Variants in HACD3 observed in about 807,000 individuals in gnomAD.
HACD3 encodes the protein 3-hydroxyacyl-CoA dehydratase 3, also known as very-long-chain (3R)-3-hydroxyacyl-CoA dehydratase 3.
A neutral mutation model predicts 55.2 loss-of-function variants in HACD3; 30 were observed. The observed-to-expected ratio is 0.54, with a 90% CI of 0.41 to 0.74. The LOEUF (loss-of-function observed/expected upper bound fraction) is 0.74. HACD3 is among the 30% of genes least tolerant of loss of function. The pLI is 0.00. For synonymous variants in HACD3, 141 were observed against 151.7 expected, an observed-to-expected ratio of 0.93 and a Z score of 0.52; for missense variants, 363 against 440.1, an observed-to-expected ratio of 0.82 and a Z score of 1.57.
chr15:65,552,849 C>G (rs1026343553), intron 2 of HACD3, among the ~76,000 whole-genome samples: 6 of 151,692 alleles, frequency 4.0e-5, no homozygotes, highest in African/African-American at 9.7e-5. Context: ...CCACTCCCCC[C>G]ACCCCACAAC....
intron 1 of HACD3, among the ~76,000 whole-genome samples, chr15:65,541,470 G>A (rs117938654): frequency 1.0e-3 from 156 of 152,272 alleles, no homozygotes; most frequent in Non-Finnish European, 1.3e-3. Context: ...AACACACATC[G>A]TAGGGAAACA....
chr15:65,532,654 ACCAT>A (rs2071913821), intron 1 of HACD3, among the ~76,000 whole-genome samples: 1 of 151,622 alleles, frequency 6.6e-6, no homozygotes. Context: ...AAAAAAAGTA[ACCAT>A]CTAAAAATTT....
intron 1 of HACD3, chr15:65,535,844 T>A: frequency 3.4e-6 from 2 of 590,424 alleles, no homozygotes; most frequent in Non-Finnish European, 6.1e-6. Flanking sequence ...GGTACCTGCC[T>A]AGCTAATTTT....
intron 8 of HACD3, 36 bp from the exon 9 acceptor site, chr15:65,571,512 G>A: frequency 2.0e-6 from 3 of 1,498,648 alleles, no homozygotes; most frequent in Non-Finnish European, 2.8e-6. Flanking sequence ...GGAACCTGAA[G>A]TGGCTTTTCA....
At chr15:65,567,657 C>T (rs2072305446) in intron 7 of HACD3, among the ~76,000 whole-genome samples, 1 of 151,916 alleles carries the variant, frequency 6.6e-6, no homozygotes, top group Non-Finnish European at 1.5e-5. Context: ...TGTTCATCTA[C>T]AGATGAATGG....
intron 1 of HACD3, among the ~76,000 whole-genome samples, chr15:65,538,071 T>C (rs1359628679): frequency 6.7e-6 from 1 of 150,154 alleles, no homozygotes; most frequent in African/African-American, 2.4e-5. Context: ...CTGATGGAAA[T>C]GTCAAGGAGA....
intron 1 of HACD3, among the ~76,000 whole-genome samples, chr15:65,550,459 GAT>G: frequency 6.6e-6 from 1 of 152,108 alleles, no homozygotes; most frequent in East Asian, 1.9e-4. Flanking sequence ...CTATAAAAGA[GAT>G]AGAAAACCTG....
chr15:65,530,597 G>A lies in HACD3; in HGVS notation c.-35G>A. 1 of 1,536,846 alleles carries A rather than the reference G, an allele frequency of 6.5e-7. No individual in the cohort carries two copies. Among genetic ancestry groups the A allele is most frequent in the South Asian group, 1.2e-5 (1 of 82,920 alleles). On this transcript the variant is annotated 5_prime_UTR_variant, in exon 1 of 11. Transcript: ENST00000261875. ...ACTACCTGAGGCAGCGAGGCGCAGC[G>A]AGCCTAGCCTCCCCGCGCCCTGGGC...
intron 1 of HACD3, among the ~76,000 whole-genome samples, chr15:65,543,897 C>T (rs1339412151): frequency 6.6e-6 from 1 of 152,096 alleles, no homozygotes; most frequent in East Asian, 1.9e-4. Context: ...TGTGAGTCGG[C>T]GGGGCGTGGT....
chr15:65,536,529 G>A (rs1197371201), intron 1 of HACD3, among the ~76,000 whole-genome samples: 1 of 152,108 alleles, frequency 6.6e-6, no homozygotes, highest in East Asian at 1.9e-4. Context: ...GGGAGGCTGT[G>A]GTGGGTGTGT....
intron 1 of HACD3, among the ~76,000 whole-genome samples, chr15:65,533,445 A>AT (rs1443380398): frequency 1.3e-5 from 2 of 152,310 alleles, no homozygotes; most frequent in Non-Finnish European, 2.9e-5. Flanking sequence ...CAGTCACTCA[A>AT]TTTGGCCAAA....
chr15:65,575,192 T>A (rs1031859326), intron 10 of HACD3, among the ~76,000 whole-genome samples: 5 of 151,358 alleles, frequency 3.3e-5, no homozygotes, highest in Non-Finnish European at 7.4e-5. Flanking sequence ...TTTTTAGTTT[T>A]TTTTTTTTTT....
Position 65,570,137 on chromosome 15 carries a change from A to G in HACD3, c.707A>G (p.Glu236Gly), listed in dbSNP as rs2072333920. 1 of 1,613,018 alleles carries G rather than the reference A, an allele frequency of 6.2e-7. No homozygotes were observed. Among genetic ancestry groups the G allele is most frequent in the Middle Eastern group, 1.6e-4 (1 of 6,084 alleles). The change falls in exon 8 of 11, where the codon GAA (glutamate) becomes GGA (glycine). Residue 236 changes from glutamate (E) to glycine (G), a missense_variant. By Grantham distance (98) the Glu-to-Gly change is moderately conservative. Transcript: ENST00000261875. ...TTGTTTATCATCTTTGGCACCATGG[A>G]AGAAATGCAGAACAAAGCTGTGGTT... The part of the protein sequence containing the change: ...FILFIIFGTM[E>G]EMQNKAVVFF...
rs555597552 is a variant in HACD3, at chr15:65,554,507, G to A, written c.131-380G>A. Among the ~76,000 whole-genome samples, 99 of 152,290 alleles carry A rather than the reference G, an allele frequency of 6.5e-4. 2 individuals carry two copies. In the South Asian group the frequency reaches 0.02, roughly 30 times the overall value. ...GTATGATATTCGTGCCAGGTACAGTGGCTCATGTCTGTAATCCCAGCACTT... is the reference window on the plus strand; with the variant it reads ...GTATGATATTCGTGCCAGGTACAGTAGCTCATGTCTGTAATCCCAGCACTT... On this transcript the variant is annotated intron_variant, in intron 2 of 10. Transcript: ENST00000261875.
In HACD3 at chr15:65,562,795, G is replaced by T. The variant is rs1421150870; in HGVS notation, c.443G>T (p.Gly148Val). Residue 148 changes from glycine (G) to valine (V), a missense_variant, in exon 6 of 11, where the codon GGA becomes GTA. Gly to Val is a moderately radical substitution (Grantham distance 109). Coordinates refer to ENST00000261875, the MANE Select transcript of HACD3 (RefSeq NM_016395.4). ...SPETLTNLRK[G>V]YLFMYNLVQF... Reference sequence around the variant, plus strand: ...ACAGCTCTTACAAACTTAAGGAAAGGATACCTGTTTATGTATAATCTTGTG... The same window carrying T: ...ACAGCTCTTACAAACTTAAGGAAAGTATACCTGTTTATGTATAATCTTGTG... The T allele has an allele frequency of 6.2e-7, 1 of 1,613,862 alleles. No homozygotes were observed. Among genetic ancestry groups the T allele is most frequent in the South Asian group, 1.1e-5 (1 of 91,062 alleles).
At position 65,530,940 on chromosome 15, in the gene HACD3, C is replaced by G. The variant is rs180969304; in HGVS notation, c.87+222C>G. The stretch of plus-strand genomic sequence containing the variant: ...GAGGGCTGCAGGAACCTTCGGGTCC[C>G]CAGAGAGCTCGGCCTGGGCCTCTCA... On this transcript the variant is annotated intron_variant, in intron 1 of 10. Coordinates refer to ENST00000261875, the MANE Select transcript of HACD3 (RefSeq NM_016395.4). The G allele has an allele frequency of 2.0e-3, 1,042 of 515,236 alleles. 6 individuals carry two copies. The highest frequency in any genetic ancestry group is 0.019 in the African/African-American group (940 of 49,160). The allele number at this position is 515,236 out of a possible 1,614,324, so 31.9% of individuals were successfully genotyped here.
intron 1 of HACD3, among the ~76,000 whole-genome samples, chr15:65,540,056 A>C (rs577682993): frequency 1.3e-5 from 2 of 152,252 alleles, no homozygotes; most frequent in African/African-American, 4.8e-5. Flanking sequence ...TTTCTGTTTT[A>C]TTTCTTTTTT....
chr15:65,573,612 A>AG (rs987881939), intron 10 of HACD3, among the ~76,000 whole-genome samples: 146 of 151,882 alleles, frequency 9.6e-4, no homozygotes, highest in African/African-American at 3.4e-3. Flanking sequence ...TGTCTCAAAA[A>AG]AAAAAAAAAT....
At chr15:65,567,994 C>G (rs2072309469) in intron 7 of HACD3, among the ~76,000 whole-genome samples, 1 of 151,232 alleles carries the variant, frequency 6.6e-6, no homozygotes, top group Non-Finnish European at 1.5e-5. Context: ...ACAATCTAGG[C>G]TCACTGCAGC....
Sources: gnomAD v4.1 joint callset for allele counts (sites outside exome capture counted in the v4.1 genomes callset) on GRCh38, gnomAD v4.1.1 for gene constraint, MANE v1.5 for transcripts, NCBI Gene and HGNC (gene_info 2026-07-23, HGNC 2026-07-21) for gene names.